Variants in ARHGAP29 observed in about 807,000 individuals in gnomAD.
The protein encoded by ARHGAP29 is Rho GTPase activating protein 29.
In ARHGAP29, 43 loss-of-function variants were observed where a neutral mutation model predicts 122.6. That is an observed-to-expected ratio of 0.35 (90% confidence interval 0.27 to 0.45). The LOEUF (loss-of-function observed/expected upper bound fraction) is 0.45, where lower values mean the gene tolerates loss of function less well. Among genes scored for constraint, ARHGAP29 ranks in the 20% least tolerant of loss-of-function variants. The pLI is 1.00. For missense variants in ARHGAP29, 1,303 were observed against 1,477.2 expected, an observed-to-expected ratio of 0.88 and a Z score of 1.93; for synonymous variants, 506 against 497.1, an observed-to-expected ratio of 1.02 and a Z score of -0.24.
intron 1 of ARHGAP29, among the ~76,000 whole-genome samples, chr1:94,247,584 T>A (rs1653864573): frequency 1.3e-5 from 2 of 149,778 alleles, no homozygotes; most frequent in African/African-American, 4.9e-5. Context: ...CCATCCCGCG[T>A]CCCGGACGCG....
intron 3 of ARHGAP29, among the ~76,000 whole-genome samples, chr1:94,215,383 GA>G (rs998376012): frequency 6.7e-6 from 1 of 150,058 alleles, no homozygotes; most frequent in African/African-American, 2.4e-5. Context: ...AATCTTCATG[GA>G]AAAAATAAAA....
chr1:94,290,186 T>G, the ARHGAP29 span, among the ~76,000 whole-genome samples: 1 of 152,348 alleles, frequency 6.6e-6, no homozygotes, highest in East Asian at 1.9e-4. Context: ...ATTGGTCTAT[T>G]CAGGTGTTTA....
upstream of ARHGAP29, among the ~76,000 whole-genome samples, chr1:94,279,274 ATACTT>A (rs1655279178): frequency 6.6e-6 from 1 of 152,166 alleles, no homozygotes; most frequent in African/African-American, 2.4e-5. Flanking sequence ...GTATGAAGCA[ATACTT>A]TACTTGCTGT....
Position 94,202,676 on chromosome 1 carries a change from A to G in ARHGAP29, c.1011T>C (p.Asp337=), listed in dbSNP as rs1650923254. The change falls in exon 11 of 23, where the codon GAT becomes GAC. Residue 337 remains aspartate (D), a synonymous_variant. Coordinates refer to ENST00000260526, the MANE Select transcript of ARHGAP29 (RefSeq NM_004815.4). ...KAKLLCMQRQ[D]EYEKAKSSMF... is the part of the protein sequence containing the mutation. Reference sequence around the variant, plus strand: ...TGGAAGACTTTGCTTTCTCATATTCATCTTGACGTTGCATGCATAATAATT... The same window carrying G: ...TGGAAGACTTTGCTTTCTCATATTCGTCTTGACGTTGCATGCATAATAATT... 1 of 1,614,062 alleles carries G rather than the reference A, an allele frequency of 6.2e-7. No homozygotes were observed. Among genetic ancestry groups the G allele is most frequent in the Non-Finnish European group, 8.5e-7 (1 of 1,180,050 alleles).
intron 3 of ARHGAP29, among the ~76,000 whole-genome samples, chr1:94,210,083 A>T (rs1557863715): frequency 6.6e-6 from 1 of 152,112 alleles, no homozygotes; most frequent in Non-Finnish European, 1.5e-5. Context: ...TTCTGTATAC[A>T]CTCTTGTTAA....
upstream of ARHGAP29, among the ~76,000 whole-genome samples, chr1:94,275,446 G>A (rs370987888): frequency 2.6e-5 from 4 of 152,202 alleles, no homozygotes; most frequent in East Asian, 7.7e-4. Flanking sequence ...TTGAAGAATG[G>A]TCAGGAGTTC....
At chr1:94,207,490 T>C (rs954839909) in intron 5 of ARHGAP29, among the ~76,000 whole-genome samples, 9 of 152,068 alleles carry the variant, frequency 5.9e-5, no homozygotes, top group African/African-American at 1.9e-4. Context: ...GTATGCACAA[T>C]AGAGGTACAG....
rs542973258 is a variant in ARHGAP29, at chr1:94,260,162, A to G, written c.-33+14850T>C. ...AAATCTGTTATGCCTGGGATGAGCCATGGACATTCGAGTGTGCATTATATG... is the reference window on the plus strand; with the variant it reads ...AAATCTGTTATGCCTGGGATGAGCCGTGGACATTCGAGTGTGCATTATATG... On this transcript the variant is annotated intron_variant and NMD_transcript_variant, in intron 1 of 25. Coordinates refer to the ARHGAP29 transcript ENST00000552844. 8.5e-5 allele frequency among the ~76,000 whole-genome samples: 13 copies of G among 152,322 alleles called. No homozygotes were observed. In the South Asian group the frequency reaches 1.7e-3, roughly 19 times the overall value.
chr1:94,270,622 C>T (rs528456510), intron 1 of ARHGAP29, among the ~76,000 whole-genome samples: 2 of 152,288 alleles, frequency 1.3e-5, no homozygotes, highest in African/African-American at 4.8e-5. Context: ...TACACCAGCA[C>T]CTCTCCCTCA....
At position 94,231,406 on chromosome 1, in the gene ARHGAP29, C is replaced by A. The variant is rs1483428833; in HGVS notation, c.205+1G>T. 1.9e-6 allele frequency: 3 copies of A among 1,610,744 alleles called. No homozygotes were observed. Among genetic ancestry groups the A allele is most frequent in the Admixed American group, 1.7e-5 (1 of 59,906 alleles). On this transcript the variant is annotated splice_donor_variant, in intron 2 of 22. Transcript: ENST00000260526. LOFTEE classifies it high-confidence loss of function. The stretch of plus-strand genomic sequence containing the variant: ...AGAATGCTAATAGAAAAGTGACAAA[C>A]CTGAAAATATGGCTTCTTTCAAATA...
chr1:94,308,108 C>T, the ARHGAP29 span, among the ~76,000 whole-genome samples: 2 of 152,160 alleles, frequency 1.3e-5, no homozygotes, highest in Non-Finnish European at 2.9e-5. Flanking sequence ...CTTGACTGAA[C>T]TCAAATTACT....
At chr1:94,243,565 C>G (rs1653685387) in intron 1 of ARHGAP29, among the ~76,000 whole-genome samples, 1 of 151,876 alleles carries the variant, frequency 6.6e-6, no homozygotes, top group Non-Finnish European at 1.5e-5. Flanking sequence ...ATAAAATACA[C>G]AGTTTTAGAT....
upstream of ARHGAP29, chr1:94,237,617 G>C: frequency 2.0e-6 from 2 of 986,982 alleles, no homozygotes; most frequent in Admixed American, 6.2e-5. Flanking sequence ...CTACCGCCAC[G>C]GCCGCACCGC....
intron 5 of ARHGAP29, 129 bp downstream of exon 5, chr1:94,208,703 G>A (rs889070382): frequency 2.0e-5 from 15 of 757,132 alleles, no homozygotes; most frequent in Admixed American, 1.3e-4. Context: ...CAGACAATCC[G>A]CCCACCTCGG....
At chr1:94,214,844 T>G (rs1015786610) in intron 3 of ARHGAP29, among the ~76,000 whole-genome samples, 1 of 152,206 alleles carries the variant, frequency 6.6e-6, no homozygotes, top group African/African-American at 2.4e-5. Flanking sequence ...CAAATGTTTT[T>G]GACCACAACC....
At chr1:94,260,892 T>C (rs895703649) in intron 1 of ARHGAP29, among the ~76,000 whole-genome samples, 1 of 152,152 alleles carries the variant, frequency 6.6e-6, no homozygotes, top group Non-Finnish European at 1.5e-5. Context: ...GCAGCTTCTA[T>C]CTTATAAATT....
At chr1:94,201,097 A>C (rs1392385645) in intron 12 of ARHGAP29, among the ~76,000 whole-genome samples, 6 of 151,586 alleles carry the variant, frequency 4.0e-5, no homozygotes, top group Non-Finnish European at 5.9e-5. Flanking sequence ...GTCTCCAAAT[A>C]ATTTGGTTCA....
intron 16 of ARHGAP29, among the ~76,000 whole-genome samples, chr1:94,185,795 G>C (rs1055141818): frequency 1.5e-4 from 23 of 152,214 alleles, no homozygotes; most frequent in African/African-American, 5.5e-4. Flanking sequence ...TCATAGAGCT[G>C]GGAAGTGTGT....
intron 2 of ARHGAP29, among the ~76,000 whole-genome samples, chr1:94,231,156 C>T (rs376280548): frequency 7.2e-5 from 11 of 152,118 alleles, no homozygotes; most frequent in Admixed American, 3.9e-4. Flanking sequence ...ATGGACCCAA[C>T]CACAGGAATC....
Sources: allele counts gnomAD v4.1 joint callset (sites outside exome capture counted in the v4.1 genomes callset), GRCh38; gene constraint gnomAD v4.1.1; transcripts MANE v1.5; gene names NCBI Gene and HGNC (gene_info 2026-07-23, HGNC 2026-07-21).